The following DLG2 variants were observed in gnomAD, a reference collection of about 807,000 sequenced individuals.
The protein encoded by DLG2 is disks large homolog 2.
DLG2 carries 45 observed loss-of-function variants against 132.5 expected under a neutral mutation model. The observed-to-expected ratio is 0.34, with a 90% CI of 0.27 to 0.44. The LOEUF (loss-of-function observed/expected upper bound fraction) is 0.44. Among genes scored for constraint, DLG2 ranks in the 20% least tolerant of loss-of-function variants. The pLI is 1.00. For missense variants in DLG2, 1,045 were observed against 1,196.9 expected, an observed-to-expected ratio of 0.87 and a Z score of 1.87; for synonymous variants, 424 against 419.6, an observed-to-expected ratio of 1.01 and a Z score of -0.13.
chr11:83,524,884 T>C (rs1213807386), intron 21 of DLG2, among the ~76,000 whole-genome samples: 2 of 152,198 alleles, frequency 1.3e-5, no homozygotes, highest in Non-Finnish European at 2.9e-5. Context: ...AACTGAAATA[T>C]ATTGTAAACA....
chr11:83,805,546 A>T (rs2045679315), intron 17 of DLG2, among the ~76,000 whole-genome samples: 1 of 152,008 alleles, frequency 6.6e-6, no homozygotes, highest in South Asian at 2.1e-4. Context: ...AATTGATGTT[A>T]GCTTTTCCTC....
At chr11:85,095,845 G>T (rs1036239873) in intron 6 of DLG2, among the ~76,000 whole-genome samples, 5 of 152,072 alleles carry the variant, frequency 3.3e-5, no homozygotes, top group African/African-American at 1.2e-4. Context: ...CCATGCCTTG[G>T]CATGTTCACT....
chr11:84,710,168 G>A (rs1337346715), intron 6 of DLG2, among the ~76,000 whole-genome samples: 1 of 151,898 alleles, frequency 6.6e-6, no homozygotes, highest in Non-Finnish European at 1.5e-5. Context: ...AAAACACTGT[G>A]GGTGGTGATC....
At chr11:84,383,910 A>G (rs1385814423) in intron 7 of DLG2, among the ~76,000 whole-genome samples, 1 of 151,990 alleles carries the variant, frequency 6.6e-6, no homozygotes, top group Non-Finnish European at 1.5e-5. Flanking sequence ...TACGCAGCAT[A>G]GAAAATGAAT....
chr11:83,611,186 T>C (rs1451936303), intron 19 of DLG2, among the ~76,000 whole-genome samples: 1 of 152,134 alleles, frequency 6.6e-6, no homozygotes, highest in Non-Finnish European at 1.5e-5. Context: ...TTATTGTCTG[T>C]GGTGTTAAAA....
rs568853360 is a variant in DLG2 at position 83,950,596 on chromosome 11, AAAAC to A, written c.1340+12285_1340+12288del. ...CAAGAAGAGTGAAACCCTGTCTCAA[AAAAC>A]AAACAAACAAACAAAAATAAGCAAA... On this transcript the variant is annotated intron_variant, in intron 14 of 27. Transcript: ENST00000376104. 1.7e-4 allele frequency among the ~76,000 whole-genome samples: 26 copies of A among 152,360 alleles called. No individual in the cohort carries two copies. The South Asian group carries it at 3.3e-3, about 19-fold the overall frequency.
rs868481200 is a variant in DLG2, at chr11:85,183,220, T to C, written c.187-28569A>G. Among the ~76,000 whole-genome samples the C allele has an allele frequency of 2.0e-4, 30 of 151,996 alleles. 1 individual carries two copies. In the Middle Eastern group the frequency reaches 0.017, roughly 86 times the overall value. On this transcript the variant is annotated intron_variant, in intron 4 of 27. Transcript: ENST00000376104. The stretch of plus-strand genomic sequence containing the variant: ...AGCTTTGGGCACCTAAATCCCTCTT[T>C]GTTTTTCTGCTGGAACAGTAGTCTG...
chr11:84,922,954 A>T, intron 6 of DLG2: 1 of 1,213,584 alleles, frequency 8.2e-7, no homozygotes, highest in Non-Finnish European at 1.2e-6. Flanking sequence ...CTTTGCAACC[A>T]CCTGTAATAA....
At chr11:84,660,453 A>C (rs949020860) in intron 6 of DLG2, among the ~76,000 whole-genome samples, 29 of 152,160 alleles carry the variant, frequency 1.9e-4, no homozygotes, top group African/African-American at 7.0e-4. Context: ...CTGCATCACC[A>C]TAATGGTGTG....
chr11:85,414,341 C>G (rs564442946), intron 3 of DLG2, among the ~76,000 whole-genome samples: 1 of 151,980 alleles, frequency 6.6e-6, no homozygotes, highest in Non-Finnish European at 1.5e-5. Context: ...ACATCATCAG[C>G]AAACAGCGAC....
chr11:83,493,400 C>G (rs925753434), intron 21 of DLG2, among the ~76,000 whole-genome samples: 1 of 129,442 alleles, frequency 7.7e-6, no homozygotes, highest in South Asian at 2.6e-4. Flanking sequence ...TCCTTTCTCT[C>G]TCTTTCAACA....
intron 6 of DLG2, among the ~76,000 whole-genome samples, chr11:85,031,666 C>A (rs1015225420): frequency 6.6e-6 from 1 of 152,132 alleles, no homozygotes; most frequent in Non-Finnish European, 1.5e-5. Flanking sequence ...CCTCTATCAA[C>A]TGTTTACTAT....
chr11:84,651,231 G>A (rs760069532), intron 6 of DLG2, among the ~76,000 whole-genome samples: 4 of 151,740 alleles, frequency 2.6e-5, no homozygotes, highest in Non-Finnish European at 5.9e-5. Flanking sequence ...GGTTTTCTCA[G>A]GCTCACTCCT....
intron 12 of DLG2, among the ~76,000 whole-genome samples, chr11:83,966,945 G>C (rs1300666340): frequency 6.6e-6 from 1 of 151,746 alleles, no homozygotes; most frequent in Non-Finnish European, 1.5e-5. Context: ...CTGTATATTT[G>C]ACTTTTATTT....
chr11:83,855,302 A>G (rs1780665722), intron 16 of DLG2, among the ~76,000 whole-genome samples: 1 of 152,216 alleles, frequency 6.6e-6, no homozygotes, highest in Admixed American at 6.5e-5. Context: ...TGATCCAGCA[A>G]TTGTGCTCCT....
In DLG2 at chr11:83,813,719, C is replaced by T. The variant is rs116346696; in HGVS notation, c.1722+19895G>A. Among the ~76,000 whole-genome samples the T allele has an allele frequency of 7.6e-3, 1,162 of 152,222 alleles. 17 individuals are homozygous for T. Among genetic ancestry groups the T allele is most frequent in the African/African-American group, 0.027 (1,118 of 41,540 alleles). On this transcript the variant is annotated intron_variant, in intron 17 of 27. Coordinates refer to ENST00000376104, the MANE Select transcript of DLG2 (RefSeq NM_001142699.3). ...ATTTTCTAGGGCAACACAAATAAGTCTACCTTCATTTCTGCAGAATGGTCT... is the reference window on the plus strand; with the variant it reads ...ATTTTCTAGGGCAACACAAATAAGTTTACCTTCATTTCTGCAGAATGGTCT...
rs1262525575 is a variant in DLG2 at position 84,741,167 on chromosome 11, C to T, written c.358-206436G>A. ...CTGCAAGCTCCGCCTTCCGGGTTCACGCCATTCTCCTGCCTCAGCCTCCCG... is the reference window on the plus strand; with the variant it reads ...CTGCAAGCTCCGCCTTCCGGGTTCATGCCATTCTCCTGCCTCAGCCTCCCG... On this transcript the variant is annotated intron_variant, in intron 6 of 27. Transcript: ENST00000376104. Among the ~76,000 whole-genome samples, 10 of 148,350 alleles carry T rather than the reference C, an allele frequency of 6.7e-5. No homozygotes were observed. In the East Asian group the frequency reaches 1.0e-3, roughly 15 times the overall value.
intron 11 of DLG2, among the ~76,000 whole-genome samples, chr11:84,014,864 T>A (rs1187673251): frequency 4.7e-5 from 7 of 148,178 alleles, no homozygotes; most frequent in African/African-American, 1.5e-4. Flanking sequence ...TAATTAGTTT[T>A]GAGATAAAAA....
At chr11:85,566,369 T>C (rs1227882623) in intron 3 of DLG2, among the ~76,000 whole-genome samples, 1 of 152,048 alleles carries the variant, frequency 6.6e-6, no homozygotes, top group African/African-American at 2.4e-5. Flanking sequence ...GCTTGTGCTT[T>C]TGGTGTCATA....
Sources: allele counts gnomAD v4.1 joint callset (sites outside exome capture counted in the v4.1 genomes callset), GRCh38; gene constraint gnomAD v4.1.1; transcripts MANE v1.5; gene names NCBI Gene and HGNC (gene_info 2026-07-23, HGNC 2026-07-21).